The following MAPRE2 variants were observed in gnomAD, a reference collection of about 807,000 sequenced individuals.
The protein encoded by MAPRE2 is microtubule-associated protein RP/EB family member 2.
A neutral mutation model predicts 43.2 loss-of-function variants in MAPRE2; 13 were observed. The ratio of observed to expected loss-of-function variants is 0.30; its 90% confidence interval spans 0.20 to 0.48. The LOEUF (loss-of-function observed/expected upper bound fraction) is 0.48, where lower values mean the gene tolerates loss of function less well. MAPRE2 is among the 20% of genes least tolerant of loss of function. The pLI is 0.99. For missense variants in MAPRE2, 161 were observed against 400.2 expected (o/e 0.40, Z 5.10); for synonymous variants, 135 against 148.8 (o/e 0.91, Z 0.68).
At chr18:34,981,592 T>C (rs1380638993) in intron 1 of MAPRE2, among the ~76,000 whole-genome samples, 1 of 152,162 alleles carries the variant, frequency 6.6e-6, no homozygotes, top group African/African-American at 2.4e-5. Flanking sequence ...CCCTTTGGTC[T>C]TACTAACATA....
At chr18:35,114,656 A>G (rs1350474695) in intron 4 of MAPRE2, among the ~76,000 whole-genome samples, 4 of 152,186 alleles carry the variant, frequency 2.6e-5, no homozygotes, top group Non-Finnish European at 5.9e-5. Flanking sequence ...ATTGGCATGT[A>G]TTTGGGCACT....
intron 1 of MAPRE2, among the ~76,000 whole-genome samples, chr18:34,998,771 A>ATTTTTTTTTTTTTTT (rs1568966928): frequency 1.8e-5 from 2 of 111,220 alleles, no homozygotes; most frequent in African/African-American, 8.1e-5. Flanking sequence ...CCGAAGTTGC[A>ATTTTTTTTTTTTTTT]ATTTTTTTTT....
intron 5 of MAPRE2, among the ~76,000 whole-genome samples, chr18:35,130,648 G>A (rs188298512): frequency 6.6e-6 from 1 of 152,292 alleles, no homozygotes; most frequent in African/African-American, 2.4e-5. Flanking sequence ...TAATGACAGA[G>A]AGATTTTACC....
chr18:35,087,482 A>G (rs550300459), intron 2 of MAPRE2, among the ~76,000 whole-genome samples: 1 of 152,262 alleles, frequency 6.6e-6, no homozygotes, highest in African/African-American at 2.4e-5. Context: ...GGTCATTCTT[A>G]TATTTGAGTG....
Position 35,132,205 on chromosome 18 carries a change from C to G in MAPRE2, c.909+15C>G. Reference sequence around the variant, plus strand: ...CAGAAGAACACGTAAGTGTGAGGAGCATGTGACTCCTGTGTTCTAAAATGA... The same window carrying G: ...CAGAAGAACACGTAAGTGTGAGGAGGATGTGACTCCTGTGTTCTAAAATGA... On this transcript the variant is annotated intron_variant, in intron 6 of 6. Coordinates refer to ENST00000300249, the MANE Select transcript of MAPRE2 (RefSeq NM_014268.4). 1 of 1,612,410 alleles carries G rather than the reference C, an allele frequency of 6.2e-7. No homozygotes were observed. Among genetic ancestry groups the G allele is most frequent in the Middle Eastern group, 1.7e-4 (1 of 6,048 alleles).
Position 35,081,204 on chromosome 18 carries a change from CT to C in MAPRE2, c.250+10891del, listed in dbSNP as rs1244854073. The stretch of plus-strand genomic sequence containing the variant: ...ACCTCACAGAAATCTTTTCCTGCTT[CT>C]TTTTTTTTCCAAAAATTATTCCATT... On this transcript the variant is annotated intron_variant, in intron 2 of 6. Coordinates refer to ENST00000300249, the MANE Select transcript of MAPRE2 (RefSeq NM_014268.4). 6.6e-5 allele frequency among the ~76,000 whole-genome samples: 10 copies of C among 151,480 alleles called. No individual in the cohort carries two copies. In the South Asian group the frequency reaches 1.9e-3, roughly 29 times the overall value.
At chr18:35,040,179 G>A (rs1027259135), upstream of MAPRE2, among the ~76,000 whole-genome samples, 1 of 152,166 alleles carries the variant, frequency 6.6e-6, no homozygotes, top group South Asian at 2.1e-4. Flanking sequence ...CTCCAGCCTG[G>A]GTGACAGAGC....
intron 1 of MAPRE2, among the ~76,000 whole-genome samples, chr18:35,057,499 A>AGT (rs550390570): frequency 1.2e-5 from 1 of 82,170 alleles, no homozygotes. Flanking sequence ...TACTGCAAGG[A>AGT]GTGTGTGCGT....
chr18:35,095,398 A>ACG (rs1210381305), intron 2 of MAPRE2, among the ~76,000 whole-genome samples: 112 of 118,900 alleles, frequency 9.4e-4, no homozygotes, highest in Admixed American at 4.5e-3. Context: ...ACACACACAC[A>ACG]CACGCACACA....
At chr18:35,125,225 A>G (rs1197991234) in intron 4 of MAPRE2, among the ~76,000 whole-genome samples, 3 of 152,184 alleles carry the variant, frequency 2.0e-5, no homozygotes, top group Admixed American at 2.0e-4. Flanking sequence ...TGAAGACACA[A>G]ATATAAATTT....
chr18:34,985,567 A>G (rs1242832158), intron 1 of MAPRE2, among the ~76,000 whole-genome samples: 1 of 71,996 alleles, frequency 1.4e-5, no homozygotes, highest in Non-Finnish European at 2.5e-5. Flanking sequence ...TATTATAAAT[A>G]TAATATATAA....
At chr18:35,108,262 G>T (rs920053713) in intron 4 of MAPRE2, among the ~76,000 whole-genome samples, 1 of 152,094 alleles carries the variant, frequency 6.6e-6, no homozygotes, top group Non-Finnish European at 1.5e-5. Flanking sequence ...GAGGAAGATG[G>T]CTTCCAGCTT....
chr18:35,053,012 A>G (rs4145317), intron 1 of MAPRE2, among the ~76,000 whole-genome samples: 11 of 48,276 alleles, frequency 2.3e-4, no homozygotes, highest in South Asian at 1.0e-3. Flanking sequence ...TCCCCCCCAC[A>G]CACACACACA....
intron 6 of MAPRE2, among the ~76,000 whole-genome samples, chr18:35,135,311 G>A (rs374923524): frequency 9.2e-5 from 14 of 152,264 alleles, no homozygotes; most frequent in Middle Eastern, 3.4e-3. Flanking sequence ...CCTGGATGCC[G>A]TGCTGGGTGC....
chr18:35,058,643 T>A (rs1286497136), intron 1 of MAPRE2, among the ~76,000 whole-genome samples: 2 of 152,176 alleles, frequency 1.3e-5, no homozygotes, highest in African/African-American at 4.8e-5. Context: ...AGCTGGCAGA[T>A]TTGCCAGCCA....
At chr18:35,037,176 T>A (rs2097051004), upstream of MAPRE2, among the ~76,000 whole-genome samples, 1 of 151,800 alleles carries the variant, frequency 6.6e-6, no homozygotes, top group Non-Finnish European at 1.5e-5. Flanking sequence ...TTTTTTTTTT[T>A]ACCAGCTCCT....
At chr18:35,101,307 C>T (rs1908668103) in intron 3 of MAPRE2, among the ~76,000 whole-genome samples, 1 of 152,054 alleles carries the variant, frequency 6.6e-6, no homozygotes, top group South Asian at 2.1e-4. Flanking sequence ...TATGGGGTAC[C>T]TGAGGCATTT....
intron 2 of MAPRE2, among the ~76,000 whole-genome samples, chr18:35,007,631 T>C (rs2150581546): frequency 6.6e-6 from 1 of 152,298 alleles, no homozygotes; most frequent in Non-Finnish European, 1.5e-5. Context: ...TGCGCATCCA[T>C]GATAGATAAC....
chr18:35,093,180 C>T (rs1158129131), intron 2 of MAPRE2, among the ~76,000 whole-genome samples: 2 of 134,744 alleles, frequency 1.5e-5, no homozygotes, highest in Non-Finnish European at 3.1e-5. Context: ...ACACTGCACT[C>T]CAGGTTAGGA....
Sources: allele counts gnomAD v4.1 joint callset (sites outside exome capture counted in the v4.1 genomes callset), GRCh38; gene constraint gnomAD v4.1.1; transcripts MANE v1.5; gene names NCBI Gene and HGNC (gene_info 2026-07-23, HGNC 2026-07-21).